CYTH3: variants seen among roughly 807,000 people sequenced by gnomAD.
CYTH3 encodes cytohesin-3.
Under a neutral mutation model 55.1 loss-of-function variants are expected in CYTH3, and 23 were observed. The ratio of observed to expected loss-of-function variants is 0.42; its 90% CI spans 0.30 to 0.59. The LOEUF (loss-of-function observed/expected upper bound fraction) is 0.59, where lower values mean the gene tolerates loss of function less well. Among genes scored for constraint, CYTH3 ranks in the 20% least tolerant of loss-of-function variants. CYTH3 has a pLI of 0.20. For missense variants in CYTH3, 413 were observed against 524.8 expected (o/e 0.79, Z 2.08); for synonymous variants, 249 against 194.9 (o/e 1.28, Z -2.31).
chr7:6,260,416 C>G (rs1005180939), intron 1 of CYTH3, among the ~76,000 whole-genome samples: 1 of 151,416 alleles, frequency 6.6e-6, no homozygotes, highest in South Asian at 2.1e-4. Flanking sequence ...AACAAACATA[C>G]CCTTCCCTCA....
At chr7:6,182,051 G>T (rs958188047) in intron 4 of CYTH3, among the ~76,000 whole-genome samples, 11 of 151,690 alleles carry the variant, frequency 7.3e-5, no homozygotes, top group Admixed American at 4.6e-4. Flanking sequence ...TTTTTATTTT[G>T]TTTTGTTTTT....
At chr7:6,203,759 C>T (rs1784115819) in intron 1 of CYTH3, among the ~76,000 whole-genome samples, 1 of 151,856 alleles carries the variant, frequency 6.6e-6, no homozygotes, top group African/African-American at 2.4e-5. Flanking sequence ...CGCTCTGTCG[C>T]CCAGGCTGGA....
At chr7:6,215,479 A>G (rs762675902) in intron 1 of CYTH3, among the ~76,000 whole-genome samples, 40 of 151,414 alleles carry the variant, frequency 2.6e-4, no homozygotes, top group Non-Finnish European at 4.3e-4. Context: ...AGTCCCAGCT[A>G]GTCGGGAGGC....
At chr7:6,178,915 A>C (rs1783410323) in intron 4 of CYTH3, among the ~76,000 whole-genome samples, 1 of 152,198 alleles carries the variant, frequency 6.6e-6, no homozygotes, top group East Asian at 1.9e-4. Flanking sequence ...CCTTGCAGCC[A>C]GTTTCAAAAT....
At position 6,167,504 on chromosome 7, in the gene CYTH3, T is replaced by TCCAGCTGCACTGGTG. The variant is rs1226690987; in HGVS notation, c.824-1709_824-1695dup. ...CCAGAGACTCCAGAGCAGGCCCCGC[T>TCCAGCTGCACTGGTG]CCAGCTGCACTGGTGCCAGCTGCCA... On this transcript the variant is annotated intron_variant, in intron 9 of 12. Transcript: ENST00000350796. This position sits in a 1 kb window ranked among gnomAD's most constrained non-coding sequence, Gnocchi z 5.5. Among the ~76,000 whole-genome samples, 1 of 152,216 alleles carries TCCAGCTGCACTGGTG rather than the reference T, an allele frequency of 6.6e-6. No homozygotes were observed. The highest frequency in any genetic ancestry group is 1.5e-5 in the Non-Finnish European group (1 of 68,026).
chr7:6,180,243 G>A (rs1214524298), intron 4 of CYTH3, among the ~76,000 whole-genome samples: 2 of 152,220 alleles, frequency 1.3e-5, no homozygotes, highest in Non-Finnish European at 2.9e-5. Context: ...GAATGGGCCT[G>A]GGCATGAGGC....
intron 1 of CYTH3, among the ~76,000 whole-genome samples, chr7:6,194,331 T>C (rs116099930): frequency 0.023 from 3,480 of 152,316 alleles, 137 homozygotes; most frequent in African/African-American, 0.079. Context: ...CACGCATCCG[T>C]AGTCCCAGGT....
At chr7:6,215,610 C>G (rs910526677) in intron 1 of CYTH3, among the ~76,000 whole-genome samples, 35 of 145,480 alleles carry the variant, frequency 2.4e-4, no homozygotes, top group African/African-American at 8.9e-4. Context: ...AAAAAAAAGA[C>G]AAATAAGGAC....
chr7:6,244,143 T>A (rs1417924614), intron 1 of CYTH3, among the ~76,000 whole-genome samples: 1 of 152,184 alleles, frequency 6.6e-6, no homozygotes, highest in African/African-American at 2.4e-5. Flanking sequence ...ATGCATTTTG[T>A]CCTGTCAAAG....
At chr7:6,227,968 G>C (rs902380404) in intron 1 of CYTH3, among the ~76,000 whole-genome samples, 3 of 152,112 alleles carry the variant, frequency 2.0e-5, no homozygotes, top group South Asian at 4.1e-4. Flanking sequence ...TGGTAGGTGG[G>C]CTAGATTTCA....
At chr7:6,229,855 G>A (rs1329074045) in intron 1 of CYTH3, among the ~76,000 whole-genome samples, 3 of 150,644 alleles carry the variant, frequency 2.0e-5, no homozygotes, top group Admixed American at 6.6e-5. Context: ...TCTATCTCAG[G>A]CTGGGCTGGG....
intron 1 of CYTH3, among the ~76,000 whole-genome samples, chr7:6,260,349 G>A (rs1210716846): frequency 1.3e-5 from 2 of 152,126 alleles, no homozygotes; most frequent in Non-Finnish European, 2.9e-5. Flanking sequence ...TAACATGCCT[G>A]ATAGAAATGA....
intron 4 of CYTH3, 137 bp downstream of exon 4, chr7:6,186,913 A>G (rs770844871): frequency 5.8e-6 from 5 of 864,064 alleles, no homozygotes; most frequent in Non-Finnish European, 9.4e-6. Context: ...CCTTTTTGAT[A>G]AAAATGTGCC....
At chr7:6,185,699 CAAAA>C (rs34943703) in intron 4 of CYTH3, among the ~76,000 whole-genome samples, 1 of 127,484 alleles carries the variant, frequency 7.8e-6, no homozygotes, top group Non-Finnish European at 1.7e-5. Flanking sequence ...GACTCTGTCT[CAAAA>C]AAAAAAAAAA....
intron 4 of CYTH3, among the ~76,000 whole-genome samples, chr7:6,182,717 T>C (rs1783535038): frequency 6.6e-6 from 1 of 152,182 alleles, no homozygotes; most frequent in Non-Finnish European, 1.5e-5. Flanking sequence ...TCTCACTATG[T>C]TAGGCTGGTT....
At chr7:6,244,955 ATTTTTTTTTTTTTTTTTTTTTTTTT>A (rs887701278) in intron 1 of CYTH3, among the ~76,000 whole-genome samples, 3 of 36,452 alleles carry the variant, frequency 8.2e-5, no homozygotes, top group Non-Finnish European at 1.5e-4. Flanking sequence ...CGCCCGGCTA[ATTTTTTTTTTTTTTTTTTTTTTTTT>A]TTTTTTTTTT....
intron 1 of CYTH3, among the ~76,000 whole-genome samples, chr7:6,260,582 A>G (rs1459263174): frequency 3.3e-5 from 5 of 151,936 alleles, no homozygotes; most frequent in Admixed American, 6.6e-5. Context: ...CCTCTCCCCA[A>G]ATTGTTTTTC....
intron 1 of CYTH3, among the ~76,000 whole-genome samples, chr7:6,238,829 C>T (rs1779595663): frequency 6.6e-6 from 1 of 151,994 alleles, no homozygotes; most frequent in African/African-American, 2.4e-5. Context: ...TCTGCTCATT[C>T]TTGCTGTGAA....
chr7:6,262,856 C>T (rs1373250052), intron 1 of CYTH3, among the ~76,000 whole-genome samples: 1 of 152,070 alleles, frequency 6.6e-6, no homozygotes, highest in Admixed American at 6.6e-5. Context: ...GAGTTCAAGG[C>T]TGCAGTGAGC....
Sources: gnomAD v4.1 joint callset for allele counts (sites outside exome capture counted in the v4.1 genomes callset) on GRCh38, gnomAD v4.1.1 for gene constraint, Gnocchi (gnomAD v3.1) non-coding constraint, MANE v1.5 for transcripts, NCBI Gene and HGNC (gene_info 2026-07-23, HGNC 2026-07-21) for gene names.